PDE1C: variants seen among roughly 807,000 people sequenced by gnomAD.
PDE1C encodes phosphodiesterase 1C.
In PDE1C, 62 loss-of-function variants were observed where a neutral mutation model predicts 93.1. That is an observed-to-expected ratio of 0.67 (90% CI 0.54 to 0.82). The LOEUF is 0.82. Among genes scored for constraint, PDE1C ranks in the 40% least tolerant of loss-of-function variants. PDE1C has a pLI of 0.00. For synonymous variants in PDE1C, 325 were observed against 310.1 expected (o/e 1.05, Z -0.50); for missense variants, 742 against 884.6 (o/e 0.84, Z 2.04).
chr7:32,092,246 T>C (rs1797513723), intron 3 of PDE1C, among the ~76,000 whole-genome samples: 1 of 152,298 alleles, frequency 6.6e-6, no homozygotes, highest in Admixed American at 6.5e-5. Flanking sequence ...AGAGCATGTT[T>C]TTCACTGGAT....
At chr7:31,721,427 C>A in the PDE1C span, among the ~76,000 whole-genome samples, 2 of 152,114 alleles carry the variant, frequency 1.3e-5, no homozygotes, top group African/African-American at 2.4e-5. Flanking sequence ...GACCAAGGAA[C>A]TAAAGGTTTA....
chr7:31,878,230 T>C (rs1272460909), intron 4 of PDE1C, among the ~76,000 whole-genome samples, 194 bp from the exon 5 acceptor site: 3 of 151,942 alleles, frequency 2.0e-5, no homozygotes, highest in Non-Finnish European at 4.4e-5. Flanking sequence ...ATTAAAGCAA[T>C]CCCAAACATA....
At chr7:31,652,719 T>C in the PDE1C span, 1 of 1,613,966 alleles carries the variant, frequency 6.2e-7, no homozygotes, top group African/African-American at 1.3e-5. Flanking sequence ...TCCACCCACC[T>C]TGGAGAACAG....
intron 3 of PDE1C, among the ~76,000 whole-genome samples, chr7:32,165,799 G>C (rs866324215): frequency 1.3e-5 from 2 of 152,088 alleles, no homozygotes; most frequent in African/African-American, 2.4e-5. Context: ...AAATACTCTC[G>C]AGTTCAAAGG....
chr7:32,238,209 C>A (rs989886777), intron 1 of PDE1C, among the ~76,000 whole-genome samples: 5 of 152,102 alleles, frequency 3.3e-5, no homozygotes, highest in African/African-American at 9.7e-5. Flanking sequence ...CACCAATGTA[C>A]AATTAGAAAG....
intron 3 of PDE1C, among the ~76,000 whole-genome samples, chr7:32,093,673 G>C (rs73100619): frequency 1.9e-4 from 29 of 152,354 alleles, no homozygotes; most frequent in Non-Finnish European, 4.3e-4. Context: ...ATTTGGCAAA[G>C]AGCCCTGTCT....
chr7:31,675,925 T>A, the PDE1C span, among the ~76,000 whole-genome samples: 1 of 152,100 alleles, frequency 6.6e-6, no homozygotes, highest in Non-Finnish European at 1.5e-5. Context: ...CATCTGAAGA[T>A]CTGGGTATAA....
At chr7:32,042,252 A>G (rs1353880940) in intron 2 of PDE1C, among the ~76,000 whole-genome samples, 1 of 152,192 alleles carries the variant, frequency 6.6e-6, no homozygotes, top group Non-Finnish European at 1.5e-5. Context: ...GTGAGCTGAG[A>G]TCTTGCCTCT....
intron 2 of PDE1C, among the ~76,000 whole-genome samples, chr7:31,923,427 C>G (rs1351683669): frequency 1.3e-5 from 2 of 152,120 alleles, no homozygotes; most frequent in African/African-American, 4.8e-5. Flanking sequence ...AAAAGCTCCC[C>G]AGGTGAGTCT....
intron 15 of PDE1C, among the ~76,000 whole-genome samples, chr7:31,815,129 C>T (rs1206139325): frequency 3.3e-5 from 5 of 152,176 alleles, no homozygotes; most frequent in South Asian, 4.1e-4. Context: ...TTTTATAATC[C>T]CCAGTCCCCA....
chr7:32,274,802 G>GA (rs1432765414), intron 1 of PDE1C, among the ~76,000 whole-genome samples: 2 of 152,138 alleles, frequency 1.3e-5, no homozygotes, highest in Non-Finnish European at 2.9e-5. Flanking sequence ...ATTCCAAGAT[G>GA]AATCAGAAAA....
At chr7:31,632,889 C>T in the PDE1C span, among the ~76,000 whole-genome samples, 24 of 151,600 alleles carry the variant, frequency 1.6e-4, no homozygotes, top group East Asian at 7.8e-4. Flanking sequence ...TTTATTCATT[C>T]ATTTATTTAT....
the PDE1C span, among the ~76,000 whole-genome samples, chr7:31,617,627 A>ATGATTT: frequency 7.8e-6 from 1 of 128,418 alleles, no homozygotes; most frequent in Non-Finnish European, 1.6e-5. Context: ...TACCTTCTAA[A>ATGATTT]TGATTTAATG....
At chr7:32,169,260 G>C (rs1317694964) in intron 3 of PDE1C, among the ~76,000 whole-genome samples, 3 of 152,140 alleles carry the variant, frequency 2.0e-5, no homozygotes, top group African/African-American at 7.2e-5. Flanking sequence ...AAGAGACCTT[G>C]CAGGAAGATG....
upstream of PDE1C, among the ~76,000 whole-genome samples, chr7:32,302,041 A>G (rs759794695): frequency 7.2e-5 from 11 of 152,232 alleles, no homozygotes; most frequent in Non-Finnish European, 1.3e-4. Context: ...TTATTTCCAT[A>G]TTCTTTCTGG....
the PDE1C span, among the ~76,000 whole-genome samples, chr7:31,691,306 C>G: frequency 6.6e-6 from 1 of 152,170 alleles, no homozygotes; most frequent in Non-Finnish European, 1.5e-5. Flanking sequence ...ATTTTATGAG[C>G]TTGAAACATT....
chr7:31,984,081 A>G (rs1395723249), intron 2 of PDE1C, among the ~76,000 whole-genome samples: 1 of 144,752 alleles, frequency 6.9e-6, no homozygotes, highest in Non-Finnish European at 1.5e-5. Flanking sequence ...AGGCGGTATG[A>G]TAGAGGTGGA....
intron 2 of PDE1C, among the ~76,000 whole-genome samples, chr7:31,909,445 A>C (rs1010721922): frequency 1.3e-5 from 2 of 152,116 alleles, no homozygotes; most frequent in South Asian, 4.1e-4. Flanking sequence ...CTTGTGCTTT[A>C]TCTCTCAGAT....
At position 32,167,392 on chromosome 7, in the gene PDE1C, T is replaced by C. The variant is rs576989575; in HGVS notation, c.308+2393A>G. 2.0e-5 allele frequency among the ~76,000 whole-genome samples: 3 copies of C among 152,112 alleles called. No homozygotes were observed. In the South Asian group the frequency reaches 6.2e-4, roughly 32 times the overall value. ...ATTATTAGAATATGTCTGAGAAAAA[T>C]TGTGGTTGTGCTGAGGCCAAGTATC... On this transcript the variant is annotated intron_variant, in intron 3 of 18. Coordinates refer to the PDE1C transcript ENST00000396193.
Sources: allele counts gnomAD v4.1 joint callset (sites outside exome capture counted in the v4.1 genomes callset), GRCh38; gene constraint gnomAD v4.1.1; transcripts MANE v1.5; gene names NCBI Gene and HGNC (gene_info 2026-07-23, HGNC 2026-07-21).